The following MYO9A variants were observed in gnomAD, a reference collection of about 807,000 sequenced individuals.
The protein encoded by MYO9A is myosin IXA, also known as unconventional myosin-IXa.
MYO9A carries 103 observed loss-of-function variants against 293.3 expected under a neutral mutation model. That is an observed-to-expected ratio of 0.35 (90% confidence interval 0.30 to 0.41). MYO9A has a LOEUF of 0.41. Ranked by LOEUF, MYO9A falls within the 10% of genes least tolerant of loss-of-function variation. MYO9A has a pLI of 1.00. For missense variants in MYO9A, 2,685 were observed against 3,033.0 expected (o/e 0.89, Z 2.69); for synonymous variants, 1,001 against 1,035.7 (o/e 0.97, Z 0.64).
intron 4 of MYO9A, among the ~76,000 whole-genome samples, chr15:72,022,263 T>A (rs1309839035): frequency 2.0e-5 from 3 of 152,172 alleles, no homozygotes; most frequent in African/African-American, 7.2e-5. Flanking sequence ...GGCTCACACC[T>A]GTAATCCCAG....
intron 15 of MYO9A, among the ~76,000 whole-genome samples, chr15:71,948,640 T>A (rs1006083923): frequency 1.3e-5 from 2 of 152,106 alleles, no homozygotes; most frequent in African/African-American, 2.4e-5. Flanking sequence ...GCAGAAAAAA[T>A]TTGCCAACCC....
At chr15:72,099,422 C>CAAA (rs57019438) in intron 1 of MYO9A, among the ~76,000 whole-genome samples, 1,273 of 89,968 alleles carry the variant, frequency 0.014, 90 homozygotes, top group Middle Eastern at 0.043. Context: ...GACCCTGCCC[C>CAAA]AAAAAAAAAA....
chr15:71,897,681 T>C lies in MYO9A; in HGVS notation c.4822A>G (p.Lys1608Glu), dbSNP rs2057368966. The C allele has an allele frequency of 6.2e-7, 1 of 1,614,202 alleles. No individual in the cohort carries two copies. The highest frequency in any genetic ancestry group is 2.2e-5 in the East Asian group (1 of 44,878). The change falls in exon 25 of 42, where the codon AAA (lysine) becomes GAA (glutamate). Residue 1608 changes from lysine (K) to glutamate (E), a missense_variant. Lys to Glu is a moderately conservative substitution (Grantham distance 56). Coordinates refer to ENST00000356056, the MANE Select transcript of MYO9A (RefSeq NM_006901.4). ...GTACTAGATTGGCATGGACTTCCTT[T>C]TCTTTCAAAGAACACGGTGACAGGT... is the stretch of plus-strand genomic sequence containing the variant. ...DRPVTVFFER[K>E]GSPCQSSTVK...
At chr15:72,093,099 T>C (rs539069481) in intron 1 of MYO9A, among the ~76,000 whole-genome samples, 2 of 152,226 alleles carry the variant, frequency 1.3e-5, no homozygotes, top group Admixed American at 6.5e-5. Flanking sequence ...AAGCAAAGAA[T>C]ACCAACACAC....
intron 30 of MYO9A, among the ~76,000 whole-genome samples, chr15:71,878,601 A>G (rs2056767106): frequency 6.6e-6 from 1 of 152,218 alleles, no homozygotes; most frequent in East Asian, 1.9e-4. Flanking sequence ...AAATTGAAAG[A>G]ATGAATACTT....
chr15:71,956,535 A>G (rs917866171), intron 14 of MYO9A, among the ~76,000 whole-genome samples: 6 of 149,872 alleles, frequency 4.0e-5, no homozygotes, highest in African/African-American at 1.5e-4. Context: ...AGTCCCAGCT[A>G]CTAGCGAGGC....
intron 15 of MYO9A, among the ~76,000 whole-genome samples, chr15:71,944,658 G>A (rs1366115435): frequency 1.3e-5 from 2 of 152,054 alleles, no homozygotes; most frequent in Admixed American, 1.3e-4. Context: ...TCAACTGACT[G>A]TGTATGTGTA....
At chr15:71,959,422 C>CA (rs1311345579) in intron 14 of MYO9A, 1 of 157,204 alleles carries the variant, frequency 6.4e-6, no homozygotes, top group Non-Finnish European at 1.4e-5. Context: ...ATATGTATCA[C>CA]AAAATCTTCT....
chr15:71,972,542 GTA>G (rs753234263), intron 12 of MYO9A, among the ~76,000 whole-genome samples: 28 of 152,296 alleles, frequency 1.8e-4, no homozygotes, highest in Non-Finnish European at 3.4e-4. Context: ...CAGGTAGATA[GTA>G]TCAAATTTGA....
At chr15:72,041,373 C>T in intron 2 of MYO9A, 1 of 498,340 alleles carries the variant, frequency 2.0e-6, no homozygotes, top group South Asian at 1.6e-5. Flanking sequence ...ATCTTGAATG[C>T]ATATCAGTTG....
At chr15:72,105,164 G>A (rs1054830735) in intron 1 of MYO9A, among the ~76,000 whole-genome samples, 4 of 152,096 alleles carry the variant, frequency 2.6e-5, no homozygotes, top group African/African-American at 9.7e-5. Context: ...AGACTCTTCT[G>A]GAAAAAATCA....
chr15:71,890,141 C>T (rs2057135959), intron 26 of MYO9A: 1 of 152,140 alleles, frequency 6.6e-6, no homozygotes, highest in Non-Finnish European at 1.5e-5. Flanking sequence ...TAATAAACAG[C>T]TTTGTTTGAT....
chr15:71,948,695 C>G (rs777100435), intron 15 of MYO9A, among the ~76,000 whole-genome samples: 7 of 152,120 alleles, frequency 4.6e-5, no homozygotes, highest in African/African-American at 1.7e-4. Context: ...TTCCCTCGAG[C>G]CTGAAGAATT....
At chr15:72,106,628 T>A (rs902204798) in intron 1 of MYO9A, among the ~76,000 whole-genome samples, 1 of 151,858 alleles carries the variant, frequency 6.6e-6, no homozygotes, top group Non-Finnish European at 1.5e-5. Flanking sequence ...TGAAATAGGG[T>A]TTCACTCTGT....
intron 32 of MYO9A, among the ~76,000 whole-genome samples, chr15:71,864,629 C>T (rs1272517252): frequency 6.6e-6 from 1 of 152,150 alleles, no homozygotes; most frequent in African/African-American, 2.4e-5. Context: ...CATATCCATG[C>T]AATGGAATTC....
At chr15:71,880,739 T>C (rs1209954114) in intron 28 of MYO9A, among the ~76,000 whole-genome samples, 181 bp from the exon 29 acceptor site, 2 of 152,194 alleles carry the variant, frequency 1.3e-5, no homozygotes, top group Non-Finnish European at 2.9e-5. Context: ...ACAGCACATT[T>C]GTACAGAAAG....
At chr15:72,103,432 CAGCAGA>C (rs1201780488) in intron 1 of MYO9A, among the ~76,000 whole-genome samples, 6 of 145,572 alleles carry the variant, frequency 4.1e-5, no homozygotes, top group South Asian at 2.2e-4. Context: ...GAAGCAGCAG[CAGCAGA>C]AGCAGAAGCA....
chr15:72,109,989 TA>T lies in MYO9A; in HGVS notation c.-72+7690del, dbSNP rs56010336. Among the ~76,000 whole-genome samples the T allele has an allele frequency of 7.3e-3, 1,031 of 140,680 alleles. 12 individuals are homozygous for T. Among genetic ancestry groups the T allele is most frequent in the African/African-American group, 0.021 (795 of 37,918 alleles). The allele number at this position is 140,680 out of a possible 152,430, so 92.3% of individuals were successfully genotyped here. A position where few individuals can be genotyped will look rare whatever the true frequency, so the allele number is the denominator to read the frequency against. On this transcript the variant is annotated intron_variant, in intron 1 of 41. Transcript: ENST00000356056. ...CACCTAAGAACTTTCTCCCTTACAT[TA>T]AAAAAAAAAAAAAAATCTAGCCAGG...
At chr15:71,950,271 GA>G (rs1286578155) in intron 15 of MYO9A, 1 of 152,146 alleles carries the variant, frequency 6.6e-6, no homozygotes, top group Non-Finnish European at 1.5e-5. Context: ...CACAAAAGTA[GA>G]AATTTGCAAG....
Sources: allele counts gnomAD v4.1 joint callset (sites outside exome capture counted in the v4.1 genomes callset), GRCh38; gene constraint gnomAD v4.1.1; transcripts MANE v1.5; gene names NCBI Gene and HGNC (gene_info 2026-07-23, HGNC 2026-07-21).